The following YIPF7 variants were observed in gnomAD, a reference collection of about 807,000 sequenced individuals.
The protein encoded by YIPF7 is Yip1 domain family member 7.
YIPF7 carries 35 observed loss-of-function variants against 27.2 expected under a neutral mutation model. The ratio of observed to expected loss-of-function variants is 1.29; its 90% CI spans 0.98 to 1.70. The LOEUF is 1.70. Among genes scored for constraint, YIPF7 ranks in the 40% most tolerant of loss-of-function variants. The pLI is 0.00. For synonymous variants in YIPF7, 137 were observed against 110.4 expected (o/e 1.24, Z -1.51); for missense variants, 358 against 303.7 (o/e 1.18, Z -1.33).
At chr4:44,655,372 T>C (rs575052788), upstream of YIPF7, among the ~76,000 whole-genome samples, 2 of 152,132 alleles carry the variant, frequency 1.3e-5, no homozygotes, top group South Asian at 2.1e-4. Flanking sequence ...AAGAACCTAG[T>C]CTGAAGCATC....
chr4:44,632,991 A>G (rs1172304348), intron 3 of YIPF7, among the ~76,000 whole-genome samples: 1 of 152,204 alleles, frequency 6.6e-6, no homozygotes, highest in African/African-American at 2.4e-5. Context: ...GCGAACAAGT[A>G]TTATCACCTT....
chr4:44,632,412 T>C (rs1712939146), intron 3 of YIPF7, among the ~76,000 whole-genome samples: 1 of 152,212 alleles, frequency 6.6e-6, no homozygotes, highest in South Asian at 2.1e-4. Flanking sequence ...ACGCTATAAA[T>C]ACAAAATACC....
intron 2 of YIPF7, among the ~76,000 whole-genome samples, chr4:44,656,673 C>T (rs975637119): frequency 1.3e-5 from 2 of 151,918 alleles, no homozygotes; most frequent in Non-Finnish European, 2.9e-5. Flanking sequence ...TCATTATTTA[C>T]AATCATTCAA....
intron 3 of YIPF7, among the ~76,000 whole-genome samples, chr4:44,631,264 A>G (rs543801678): frequency 1.8e-4 from 28 of 152,164 alleles, no homozygotes; most frequent in Non-Finnish European, 2.4e-4. Flanking sequence ...TTGTTTTTAA[A>G]TGAGCCCAAT....
chr4:44,628,234 G>A (rs1357540587), intron 4 of YIPF7, among the ~76,000 whole-genome samples: 1 of 152,092 alleles, frequency 6.6e-6, no homozygotes, highest in Non-Finnish European at 1.5e-5. Context: ...GTAGTACCAA[G>A]AAATAAGATG....
At chr4:44,644,004 C>G (rs1442681412) in intron 2 of YIPF7, among the ~76,000 whole-genome samples, 1 of 152,092 alleles carries the variant, frequency 6.6e-6, no homozygotes, top group East Asian at 1.9e-4. Context: ...ACACAGAGTC[C>G]CTCACAGTGC....
chr4:44,650,501 G>C (rs1051146480), intron 1 of YIPF7, among the ~76,000 whole-genome samples: 1 of 63,564 alleles, frequency 1.6e-5, no homozygotes, highest in Non-Finnish European at 3.5e-5. Context: ...ACATGCGCGC[G>C]CGCGCGCACA....
chr4:44,631,788 T>G (rs116075641), intron 3 of YIPF7, among the ~76,000 whole-genome samples: 2,076 of 152,248 alleles, frequency 0.014, 22 homozygotes, highest in Middle Eastern at 0.031. Flanking sequence ...CTTTAAAAAT[T>G]GAGACATACT....
intron 4 of YIPF7, 30 bp from the exon 5 acceptor site, chr4:44,624,812 A>G (rs1172963041): frequency 1.3e-6 from 2 of 1,584,632 alleles, no homozygotes; most frequent in Non-Finnish European, 1.7e-6. Context: ...AAACAGTTTG[A>G]ACACACAATG....
intron 1 of YIPF7, 34 bp from the exon 2 acceptor site, chr4:44,650,135 T>C (rs940651335): frequency 1.6e-6 from 2 of 1,261,728 alleles, no homozygotes; most frequent in Middle Eastern, 2.0e-4. Context: ...AATAAGTTCA[T>C]GAGTCAATAA....
At chr4:44,630,110 A>T (rs1353324827) in intron 3 of YIPF7, among the ~76,000 whole-genome samples, 2 of 152,124 alleles carry the variant, frequency 1.3e-5, no homozygotes, top group Non-Finnish European at 2.9e-5. Context: ...CTGAGACTAT[A>T]GGCATGCACC....
intron 2 of YIPF7, among the ~76,000 whole-genome samples, chr4:44,648,505 C>T (rs1713604266): frequency 6.6e-6 from 1 of 151,948 alleles, no homozygotes; most frequent in South Asian, 2.1e-4. Flanking sequence ...CAGAACAGTT[C>T]CTAACATATA....
chr4:44,651,590 T>C lies in YIPF7; in HGVS notation c.-38A>G, dbSNP rs1273689496. 1.3e-6 allele frequency: 2 copies of C among 1,588,556 alleles called. No homozygotes were observed. The highest frequency in any genetic ancestry group is 1.8e-5 in the Admixed American group (1 of 56,728). On this transcript the variant is annotated 5_prime_UTR_variant, in exon 1 of 6. Coordinates refer to ENST00000415895, the MANE Select transcript of YIPF7 (RefSeq NM_182592.3). ...TTTTATAGAAAGATCCTCCAGTAAA[T>C]GTAGCTTTGTGTGAGAAATTTTAAG...
At chr4:44,638,343 G>A (rs893629543) in intron 2 of YIPF7, among the ~76,000 whole-genome samples, 1 of 151,836 alleles carries the variant, frequency 6.6e-6, no homozygotes. Flanking sequence ...CCAGTCATGA[G>A]TGCATGTACC....
chr4:44,631,147 T>C (rs957533097), intron 3 of YIPF7, among the ~76,000 whole-genome samples: 3 of 152,196 alleles, frequency 2.0e-5, no homozygotes, highest in African/African-American at 7.2e-5. Flanking sequence ...AAAGCAGTAG[T>C]AGAAAACTTG....
chr4:44,657,033 GC>G (rs1223695183), intron 2 of YIPF7, among the ~76,000 whole-genome samples: 1 of 151,992 alleles, frequency 6.6e-6, no homozygotes. Flanking sequence ...TGACAACATT[GC>G]TATTTCATGG....
intron 3 of YIPF7, among the ~76,000 whole-genome samples, chr4:44,631,437 C>T (rs1355644141): frequency 6.6e-6 from 1 of 152,080 alleles, no homozygotes; most frequent in African/African-American, 2.4e-5. Flanking sequence ...CTTTTCTGTA[C>T]ACAGACTACA....
At chr4:44,658,743 C>A (rs1229093238) in intron 2 of YIPF7, among the ~76,000 whole-genome samples, 1 of 152,118 alleles carries the variant, frequency 6.6e-6, no homozygotes, top group Non-Finnish European at 1.5e-5. Flanking sequence ...AGGTGAGAGG[C>A]ACATTTTACA....
chr4:44,650,505 G>GCA (rs150789716), intron 1 of YIPF7, among the ~76,000 whole-genome samples: 12,109 of 122,156 alleles, frequency 0.099, 562 homozygotes, highest in Middle Eastern at 0.19. Flanking sequence ...GCGCGCGCGC[G>GCA]CGCACACACA....
Sources: gnomAD v4.1 joint callset for allele counts (sites outside exome capture counted in the v4.1 genomes callset) on GRCh38, gnomAD v4.1.1 for gene constraint, MANE v1.5 for transcripts, NCBI Gene and HGNC (gene_info 2026-07-23, HGNC 2026-07-21) for gene names.